Variants in PGM3 observed in about 807,000 individuals in gnomAD.
The protein encoded by PGM3 is phosphoacetylglucosamine mutase.
A neutral mutation model predicts 66.2 loss-of-function variants in PGM3; 40 were observed. The observed-to-expected ratio is 0.60, with a 90% CI of 0.47 to 0.79. PGM3 has a LOEUF of 0.79. Among genes scored for constraint, PGM3 ranks in the 30% least tolerant of loss-of-function variants. The pLI is 0.00. For synonymous variants in PGM3, 191 were observed against 224.2 expected (o/e 0.85, Z 1.32); for missense variants, 537 against 643.4 (o/e 0.83, Z 1.79).
chr6:83,168,306 A>T lies in PGM3; in HGVS notation c.*928T>A. The T allele has an allele frequency of 7.0e-7, 1 of 1,428,972 alleles. No individual in the cohort carries two copies. The highest frequency in any genetic ancestry group is 9.1e-7 in the Non-Finnish European group (1 of 1,098,032). The allele number at this position is 1,428,972 out of a possible 1,614,324, so 88.5% of individuals were successfully genotyped here. A position where few individuals can be genotyped will look rare whatever the true frequency, so the allele number is the denominator to read the frequency against. On this transcript the variant is annotated 3_prime_UTR_variant, in exon 13 of 13. Coordinates refer to ENST00000513973, the MANE Select transcript of PGM3 (RefSeq NM_015599.3). Reference sequence around the variant, plus strand: ...TTGTATTTAATTTAAATATTTGTATATAAGAGCAAATGTCTGAATGTGGCC... The same window carrying T: ...TTGTATTTAATTTAAATATTTGTATTTAAGAGCAAATGTCTGAATGTGGCC...
chr6:83,183,019 A>G, intron 4 of PGM3, 41 bp from the exon 5 acceptor site: 1 of 1,593,190 alleles, frequency 6.3e-7, no homozygotes, highest in Non-Finnish European at 8.6e-7. Flanking sequence ...GCATTTCTTA[A>G]CAAAGAGAAA....
intron 3 of PGM3, 30 bp downstream of exon 3, chr6:83,188,581 GTTT>G (rs35905342): frequency 7.7e-7 from 1 of 1,302,856 alleles, no homozygotes; most frequent in Non-Finnish European, 1.1e-6. Context: ...GTTCCCAAAG[GTTT>G]TTTTTTTTAC....
At chr6:83,154,356 G>A in the PGM3 span, 1 of 917,742 alleles carries the variant, frequency 1.1e-6, no homozygotes, top group Non-Finnish European at 1.7e-6. Context: ...TTTGTCAAGT[G>A]TCAGTGGGGA....
upstream of PGM3, chr6:83,193,349 G>GCCCCCT (rs1789330275): frequency 1.4e-5 from 2 of 138,178 alleles, no homozygotes; most frequent in Non-Finnish European, 3.2e-5. Context: ...CCCCGCCCCC[G>GCCCCCT]CCTCGCCGCA....
chr6:83,162,791 T>G (rs1215159911), downstream of PGM3: 2 of 1,611,370 alleles, frequency 1.2e-6, no homozygotes, highest in African/African-American at 1.3e-5. Flanking sequence ...TATACATAGG[T>G]ACCGATGGGC....
At chr6:83,182,778 T>C (rs748214752) in intron 5 of PGM3, 67 bp downstream of exon 5, 3 of 1,401,180 alleles carry the variant, frequency 2.1e-6, no homozygotes, top group Non-Finnish European at 3.0e-6. Flanking sequence ...AACAAGATAA[T>C]TTGTTCAGTA....
the PGM3 span, among the ~76,000 whole-genome samples, chr6:83,149,490 A>G: frequency 6.6e-6 from 1 of 152,154 alleles, no homozygotes; most frequent in Non-Finnish European, 1.5e-5. Context: ...ACCTTGTCTG[A>G]TTTGGTAATA....
Position 83,171,333 on chromosome 6 carries a change from T to A in PGM3, c.1365+604A>T, listed in dbSNP as rs1787065432. The A allele has an allele frequency of 2.6e-5, 4 of 152,174 alleles. No homozygotes were observed. The South Asian group carries it at 8.3e-4, about 32-fold the overall frequency. The allele number at this position is 152,174 out of a possible 1,614,324, so 9.4% of individuals were successfully genotyped here. On this transcript the variant is annotated intron_variant, in intron 11 of 12. Transcript: ENST00000513973. ...TATATCTATTTTTAATTTTCCATAA[T>A]AAAATCTCTTTAAAAAAGTGATGCG...
downstream of PGM3, among the ~76,000 whole-genome samples, chr6:83,159,457 CTGTG>C (rs1362253902): frequency 1.4e-5 from 2 of 147,316 alleles, no homozygotes; most frequent in Non-Finnish European, 3.0e-5. Context: ...TTTTTTTTGT[CTGTG>C]TGTATTTTTT....
the PGM3 span, among the ~76,000 whole-genome samples, chr6:83,153,091 G>A: frequency 0.019 from 2,827 of 152,170 alleles, 98 homozygotes; most frequent in African/African-American, 0.064. Context: ...AGAACAATAG[G>A]ACTAAGGCCA....
chr6:83,186,065 G>A (rs997667300), intron 4 of PGM3, among the ~76,000 whole-genome samples: 2 of 152,160 alleles, frequency 1.3e-5, no homozygotes, highest in Non-Finnish European at 2.9e-5. Flanking sequence ...GAGTATCTGA[G>A]GAGAGGTACG....
chr6:83,168,094 G>A lies in PGM3; in HGVS notation c.*1140C>T. 1 of 1,614,184 alleles carries A rather than the reference G, an allele frequency of 6.2e-7. No homozygotes were observed. The highest frequency in any genetic ancestry group is 1.1e-5 in the South Asian group (1 of 91,074). On this transcript the variant is annotated 3_prime_UTR_variant, in exon 13 of 13. Transcript: ENST00000513973. ...ATGAAACTGGAGAACCACAAACCAT[G>A]TTCCAGCAAAGCCAGGCAAAAAATA... is the stretch of plus-strand genomic sequence containing the variant.
At position 83,167,311 on chromosome 6, in the gene PGM3, T is replaced by A. The variant is rs1297819788; in HGVS notation, c.*1923A>T. ...CACAACCCAGAAGGAGACAGCAGTG[T>A]CTCCTGAGGGATCCCTTCCTTTCTC... is the stretch of plus-strand genomic sequence containing the variant. On this transcript the variant is annotated 3_prime_UTR_variant, in exon 13 of 13. Coordinates refer to ENST00000513973, the MANE Select transcript of PGM3 (RefSeq NM_015599.3). 3 of 985,480 alleles carry A rather than the reference T, an allele frequency of 3.0e-6. No homozygotes were observed. Among genetic ancestry groups the A allele is most frequent in the Non-Finnish European group, 3.6e-6 (3 of 829,990 alleles). The allele number at this position is 985,480 out of a possible 1,614,324, so 61.0% of individuals were successfully genotyped here. A position where few individuals can be genotyped will look rare whatever the true frequency, so the allele number is the denominator to read the frequency against.
Position 83,188,756 on chromosome 6 carries a change from A to C in PGM3, c.247T>G (p.Leu83Val). 6.2e-7 allele frequency: 1 copy of C among 1,614,146 alleles called. No individual in the cohort carries two copies. The highest frequency in any genetic ancestry group is 8.5e-7 in the Non-Finnish European group (1 of 1,180,010). ...VKLVDPLGEMLAPSWEEHATC... is the reference protein window; with the variant it reads ...VKLVDPLGEMVAPSWEEHATC... ...GCATGTTCCTCCCAGGATGGTGCCA[A>C]CATTTCACCCAAAGGATCAACCAAT... The change falls in exon 3 of 13, where the codon TTG (leucine) becomes GTG (valine). Residue 83 changes from leucine to valine, a missense_variant. Physicochemically the swap from Leu to Val is conservative, Grantham distance 32. Coordinates refer to ENST00000513973, the MANE Select transcript of PGM3 (RefSeq NM_015599.3).
intron 4 of PGM3, among the ~76,000 whole-genome samples, chr6:83,185,521 T>A (rs1370080570): frequency 1.3e-5 from 2 of 152,110 alleles, no homozygotes; most frequent in Non-Finnish European, 2.9e-5. Context: ...CCCAGCACTT[T>A]GGGAGGCCGA....
chr6:83,177,092 G>C (rs550823318), intron 8 of PGM3, among the ~76,000 whole-genome samples: 2 of 152,268 alleles, frequency 1.3e-5, no homozygotes, highest in African/African-American at 4.8e-5. Flanking sequence ...CTCTTGAAGA[G>C]TGTGACTACA....
At position 83,169,106 on chromosome 6, in the gene PGM3, T is replaced by C; in HGVS notation, c.*128A>G. On this transcript the variant is annotated 3_prime_UTR_variant, in exon 13 of 13. Transcript: ENST00000513973. Reference sequence around the variant, plus strand: ...TCTGTTAGTGTTTAAGAAAAACAGATCTAGAGACAATCCAGTAGGCTGCAT... The same window carrying C: ...TCTGTTAGTGTTTAAGAAAAACAGACCTAGAGACAATCCAGTAGGCTGCAT... 2 of 1,480,436 alleles carry C rather than the reference T, an allele frequency of 1.4e-6. No homozygotes were observed. Among genetic ancestry groups the C allele is most frequent in the Non-Finnish European group, 1.8e-6 (2 of 1,118,378 alleles). 91.7% of individuals were successfully genotyped at this position (1,480,436 alleles called of 1,614,324 possible).
chr6:83,191,564 A>G (rs1385590228), intron 1 of PGM3, among the ~76,000 whole-genome samples: 3 of 152,260 alleles, frequency 2.0e-5, no homozygotes, highest in Non-Finnish European at 4.4e-5. Flanking sequence ...AAAAGGCAAC[A>G]GTTTCTTCTC....
chr6:83,186,342 A>G (rs1393187291), intron 4 of PGM3, among the ~76,000 whole-genome samples: 1 of 152,186 alleles, frequency 6.6e-6, no homozygotes, highest in Non-Finnish European at 1.5e-5. Flanking sequence ...CAGAGAAGGT[A>G]AGCAGAGCTA....
Sources: allele counts gnomAD v4.1 joint callset (sites outside exome capture counted in the v4.1 genomes callset), GRCh38; gene constraint gnomAD v4.1.1; transcripts MANE v1.5; gene names NCBI Gene and HGNC (gene_info 2026-07-23, HGNC 2026-07-21).